The following UNC5CL variants were observed in gnomAD, a reference collection of about 807,000 sequenced individuals.
UNC5CL encodes the protein unc-5 family C-terminal like.
UNC5CL carries 42 observed loss-of-function variants against 54.1 expected under a neutral mutation model. The ratio of observed to expected loss-of-function variants is 0.78; its 90% CI spans 0.61 to 1.00. The LOEUF (loss-of-function observed/expected upper bound fraction) is 1.00, where lower values mean the gene tolerates loss of function less well. Among genes scored for constraint, UNC5CL ranks in the 50% least tolerant of loss-of-function variants. The probability of loss-of-function intolerance (pLI) is 0.00; values close to 1 mark genes in which losing one functional copy is unlikely to be tolerated. For synonymous variants in UNC5CL, 285 were observed against 285.1 expected, an observed-to-expected ratio of 1.00 and a Z score of 0.00; for missense variants, 619 against 675.6, an observed-to-expected ratio of 0.92 and a Z score of 0.93.
rs567025814 is a variant in UNC5CL at position 41,037,183 on chromosome 6, G to A, written c.-62+1979C>T. On this transcript the variant is annotated intron_variant, in intron 1 of 8. Transcript: ENST00000244565. ...CTCCACAGCCATCCCACCATACTGA[G>A]TCACTCTTGATTATGTGCTGTCATG... Among the ~76,000 whole-genome samples the A allele has an allele frequency of 2.0e-5, 3 of 152,278 alleles. No homozygotes were observed. The South Asian group carries it at 6.2e-4, about 32-fold the overall frequency.
rs1014576402 is a variant in UNC5CL at position 41,028,182 on chromosome 6, C to G, written c.*191G>C. 1.4e-5 allele frequency: 9 copies of G among 622,962 alleles called. No individual in the cohort carries two copies. Among genetic ancestry groups the G allele is most frequent in the Non-Finnish European group, 2.4e-5 (9 of 369,948 alleles). The allele number at this position is 622,962 out of a possible 1,614,324, so 38.6% of individuals were successfully genotyped here. A position where few individuals can be genotyped will look rare whatever the true frequency, so the allele number is the denominator to read the frequency against. On this transcript the variant is annotated 3_prime_UTR_variant, in exon 9 of 9. Coordinates refer to ENST00000244565, the MANE Select transcript of UNC5CL (RefSeq NM_173561.3). The surrounding 1 kb of genome is among the most constrained non-coding windows in gnomAD (Gnocchi z 4.3). ...TGCCGGCCAGGAGGGGACCCGCACG[C>G]GGGACAGCTCGCGGCCGGAAGGGCG... is the stretch of plus-strand genomic sequence containing the variant.
At chr6:41,033,351 G>A (rs893933366) in intron 3 of UNC5CL, among the ~76,000 whole-genome samples, 1 of 152,014 alleles carries the variant, frequency 6.6e-6, no homozygotes, top group African/African-American at 2.4e-5. Context: ...GAATGGGGAG[G>A]AGAGCTGGCA....
At position 41,032,064 on chromosome 6, in the gene UNC5CL, G is replaced by GA. The variant is rs1561829658; in HGVS notation, c.1022dup (p.Arg342ProfsTer12). ...CTTTTCTCCGGAAGCAGAAGGAGCG[G>GA]AAGGGGCACTTTCCATGCCAGATGT... On this transcript the variant is annotated frameshift_variant, in exon 5 of 9. Transcript: ENST00000244565. LOFTEE classifies it high-confidence loss of function. The GA allele has an allele frequency of 3.1e-6, 5 of 1,614,074 alleles. No homozygotes were observed. The Admixed American group carries it at 8.3e-5, about 27-fold the overall frequency.
chr6:41,032,785 T>C (rs1762470678), intron 4 of UNC5CL, 99 bp downstream of exon 4: 1 of 1,438,454 alleles, frequency 7.0e-7, no homozygotes, highest in Non-Finnish European at 9.2e-7. Context: ...GAGAGAGACT[T>C]GGGATCCCCA....
chr6:41,034,644 ACAGTCTGACC>A, intron 2 of UNC5CL, 36 bp downstream of exon 2: 2 of 1,578,410 alleles, frequency 1.3e-6, no homozygotes, highest in Non-Finnish European at 1.7e-6. Flanking sequence ...GACCTAATGT[ACAGTCTGACC>A]AACTGTATGC....
intron 1 of UNC5CL, among the ~76,000 whole-genome samples, chr6:41,036,883 C>A (rs1448103246): frequency 6.6e-6 from 1 of 152,202 alleles, no homozygotes; most frequent in African/African-American, 2.4e-5. Context: ...CTGAGACTTC[C>A]CAGTAGCTCT....
chr6:41,031,123 C>T (rs1166113124), intron 6 of UNC5CL, among the ~76,000 whole-genome samples: 1 of 152,148 alleles, frequency 6.6e-6, no homozygotes, highest in Non-Finnish European at 1.5e-5. Context: ...CCTTCCCTTC[C>T]TCTTCTCCAA....
intron 1 of UNC5CL, among the ~76,000 whole-genome samples, chr6:41,038,943 G>C (rs1762551133): frequency 6.6e-6 from 1 of 152,134 alleles, no homozygotes. Flanking sequence ...GTCATGAATG[G>C]CATTTGTTAG....
Position 41,028,688 on chromosome 6 carries a change from C to G in UNC5CL, c.1335-93G>C, listed in dbSNP as rs888788324. The G allele has an allele frequency of 9.1e-6, 11 of 1,205,998 alleles. No individual in the cohort carries two copies. The South Asian group carries it at 1.4e-4, about 16-fold the overall frequency. The allele number at this position is 1,205,998 out of a possible 1,614,324, so 74.7% of individuals were successfully genotyped here. On this transcript the variant is annotated intron_variant, in intron 8 of 8. Coordinates refer to ENST00000244565, the MANE Select transcript of UNC5CL (RefSeq NM_173561.3). This position sits in a 1 kb window ranked among gnomAD's most constrained non-coding sequence, Gnocchi z 4.3. ...TCCCTGGGCTGCGCAGCGCAAGGTCCGTCCCTTCCCCATCCTGTAGCTTTT... is the reference window on the plus strand; with the variant it reads ...TCCCTGGGCTGCGCAGCGCAAGGTCGGTCCCTTCCCCATCCTGTAGCTTTT...
intron 1 of UNC5CL, 45 bp from the exon 2 acceptor site, chr6:41,035,180 T>A: frequency 7.0e-7 from 1 of 1,429,572 alleles, no homozygotes. Context: ...CCCTTTTAAG[T>A]TGTGGAGGTC....
chr6:41,031,327 C>T (rs1762450786), intron 6 of UNC5CL, among the ~76,000 whole-genome samples: 1 of 152,192 alleles, frequency 6.6e-6, no homozygotes, highest in Non-Finnish European at 1.5e-5. Context: ...CTCTCAAATC[C>T]CACACTGAAG....
At chr6:41,038,736 C>T (rs1483612220) in intron 1 of UNC5CL, among the ~76,000 whole-genome samples, 2 of 152,160 alleles carry the variant, frequency 1.3e-5, no homozygotes, top group African/African-American at 4.8e-5. Flanking sequence ...TAGAATGCTG[C>T]CATCACCTGT....
chr6:41,031,826 T>C (rs553329725), intron 5 of UNC5CL, 78 bp from the exon 6 acceptor site: 1 of 1,481,868 alleles, frequency 6.7e-7, no homozygotes, highest in African/African-American at 1.4e-5. Context: ...TAAGGGACTC[T>C]ATAGTAAGAC....
chr6:41,032,171 G>A (rs1002549619), intron 4 of UNC5CL, 34 bp from the exon 5 acceptor site: 32 of 1,563,558 alleles, frequency 2.0e-5, no homozygotes, highest in Non-Finnish European at 2.6e-5. Context: ...GGGCCTCAGA[G>A]AGTGGGGCCT....
In UNC5CL at chr6:41,027,009, T is replaced by G. The variant is rs1762395866; in HGVS notation, c.*1364A>C. ...TTTGAACAAATTAACAACACCTGTTTGCAAACAAAAGAATTTCCAGAATGG... is the reference window on the plus strand; with the variant it reads ...TTTGAACAAATTAACAACACCTGTTGGCAAACAAAAGAATTTCCAGAATGG... On this transcript the variant is annotated 3_prime_UTR_variant, in exon 9 of 9. Transcript: ENST00000244565. 6.6e-6 allele frequency: 1 copy of G among 152,240 alleles called. No individual in the cohort carries two copies. The highest frequency in any genetic ancestry group is 6.5e-5 in the Admixed American group (1 of 15,290). The allele number at this position is 152,240 out of a possible 1,614,324, so 9.4% of individuals were successfully genotyped here.
At chr6:41,030,564 A>G in intron 7 of UNC5CL, 63 bp from the exon 8 acceptor site, 1 of 1,609,544 alleles carries the variant, frequency 6.2e-7, no homozygotes, top group Non-Finnish European at 8.5e-7. Flanking sequence ...TGGTTCTCCC[A>G]TATGCACCCT....
At position 41,029,448 on chromosome 6, in the gene UNC5CL, G is replaced by A. The variant is rs1449414196; in HGVS notation, c.1335-853C>T. On this transcript the variant is annotated intron_variant, in intron 8 of 8. Coordinates refer to ENST00000244565, the MANE Select transcript of UNC5CL (RefSeq NM_173561.3). This position sits in a 1 kb window ranked among gnomAD's most constrained non-coding sequence, Gnocchi z 4.1. Reference sequence around the variant, plus strand: ...TGTTATACAATACTGGATTCTTACAGGAAGGCACAAGGAACACTTGCCTTT... The same window carrying A: ...TGTTATACAATACTGGATTCTTACAAGAAGGCACAAGGAACACTTGCCTTT... Among the ~76,000 whole-genome samples, 1 of 152,214 alleles carries A rather than the reference G, an allele frequency of 6.6e-6. No homozygotes were observed. The highest frequency in any genetic ancestry group is 1.5e-5 in the Non-Finnish European group (1 of 68,040).
At chr6:41,031,853 A>C (rs746414809) in intron 5 of UNC5CL, 105 bp from the exon 6 acceptor site, 59 of 1,348,508 alleles carry the variant, frequency 4.4e-5, no homozygotes, top group Non-Finnish European at 6.0e-5. Context: ...AATCTGAGGA[A>C]GCTGGGGTCC....
chr6:41,028,195 G>T lies in UNC5CL; in HGVS notation c.*178C>A. Reference sequence around the variant, plus strand: ...GGGACCCGCACGCGGGACAGCTCGCGGCCGGAAGGGCGCGCCTGCTGCTGG... The same window carrying T: ...GGGACCCGCACGCGGGACAGCTCGCTGCCGGAAGGGCGCGCCTGCTGCTGG... On this transcript the variant is annotated 3_prime_UTR_variant, in exon 9 of 9. Transcript: ENST00000244565. This position sits in a 1 kb window ranked among gnomAD's most constrained non-coding sequence, Gnocchi z 4.3. 1 of 667,400 alleles carries T rather than the reference G, an allele frequency of 1.5e-6. No individual in the cohort carries two copies. Among genetic ancestry groups the T allele is most frequent in the South Asian group, 2.0e-5 (1 of 49,640 alleles). The allele number at this position is 667,400 out of a possible 1,614,324, so 41.3% of individuals were successfully genotyped here. A position where few individuals can be genotyped will look rare whatever the true frequency, so the allele number is the denominator to read the frequency against.
Sources: allele counts gnomAD v4.1 joint callset (sites outside exome capture counted in the v4.1 genomes callset), GRCh38; gene constraint gnomAD v4.1.1; non-coding constraint Gnocchi (gnomAD v3.1); transcripts MANE v1.5; gene names NCBI Gene and HGNC (gene_info 2026-07-23, HGNC 2026-07-21).